Variants in ASTN1 observed in about 807,000 individuals in gnomAD.
The protein encoded by ASTN1 is astrotactin-1.
ASTN1 carries 41 observed loss-of-function variants against 140.7 expected under a neutral mutation model. The observed-to-expected ratio is 0.29, with a 90% confidence interval of 0.23 to 0.38. ASTN1 has a LOEUF of 0.38. Among genes scored for constraint, ASTN1 ranks in the 10% least tolerant of loss-of-function variants. ASTN1 has a pLI of 1.00. For missense variants in ASTN1, 1,479 were observed against 1,678.8 expected (o/e 0.88, Z 2.08); for synonymous variants, 640 against 652.2 (o/e 0.98, Z 0.29).
chr1:177,036,402 ACT>A (rs1191916290), intron 2 of ASTN1, among the ~76,000 whole-genome samples: 1 of 151,954 alleles, frequency 6.6e-6, no homozygotes, highest in Non-Finnish European at 1.5e-5. Flanking sequence ...AATAGGTAAA[ACT>A]CAGCACAAGC....
chr1:176,894,331 A>C, intron 17 of ASTN1, among the ~76,000 whole-genome samples: 1 of 152,204 alleles, frequency 6.6e-6, no homozygotes, highest in Non-Finnish European at 1.5e-5. Context: ...ACAGGTGCTC[A>C]GTTGTGACTC....
Position 176,863,865 on chromosome 1 carries a change from C to G in ASTN1, c.*419G>C, listed in dbSNP as rs868517241. 1.9e-5 allele frequency: 19 copies of G among 1,002,332 alleles called. No individual in the cohort carries two copies. In the Middle Eastern group the frequency reaches 2.5e-3, roughly 133 times the overall value. The allele number at this position is 1,002,332 out of a possible 1,614,324, so 62.1% of individuals were successfully genotyped here. On this transcript the variant is annotated 3_prime_UTR_variant, in exon 23 of 23. Coordinates refer to ENST00000361833, the MANE Select transcript of ASTN1 (RefSeq NM_004319.3). ...GTGGGGCCTGCGGCAGGCCTAACAACTTTCTGGCCTCACCTCTGCTCCCAG... is the reference window on the plus strand; with the variant it reads ...GTGGGGCCTGCGGCAGGCCTAACAAGTTTCTGGCCTCACCTCTGCTCCCAG...
At chr1:176,912,400 T>C (rs753488125) in intron 16 of ASTN1, among the ~76,000 whole-genome samples, 8 of 152,350 alleles carry the variant, frequency 5.3e-5, no homozygotes, top group African/African-American at 1.9e-4. Flanking sequence ...GCACATAATA[T>C]TGTTTTTCTT....
intron 1 of ASTN1, 119 bp downstream of exon 1, chr1:177,164,275 G>A (rs1362700866): frequency 5.3e-6 from 6 of 1,122,668 alleles, no homozygotes; most frequent in East Asian, 2.6e-5. Context: ...GGGCGGATCC[G>A]GGAGGTAGGA....
rs1675376630 is a variant in ASTN1, at chr1:177,013,147, G to A, written c.1523+1644C>T. Among the ~76,000 whole-genome samples the A allele has an allele frequency of 2.0e-5, 3 of 152,136 alleles. No homozygotes were observed. In the South Asian group the frequency reaches 6.2e-4, roughly 32 times the overall value. On this transcript the variant is annotated intron_variant, in intron 8 of 22. Transcript: ENST00000361833. ...TCAATAACAGGCTGCCTCATATGTA[G>A]CTGCCCTTCTACAAACACCTTCCTC...
chr1:176,888,305 C>G, intron 17 of ASTN1, 101 bp from the exon 18 acceptor site: 1 of 1,376,134 alleles, frequency 7.3e-7, no homozygotes, highest in Non-Finnish European at 1.0e-6. Context: ...CCCTAAATTA[C>G]TTCCAGCAGC....
chr1:177,148,908 G>A (rs1682843512), intron 1 of ASTN1, among the ~76,000 whole-genome samples: 2 of 151,126 alleles, frequency 1.3e-5, no homozygotes, highest in Non-Finnish European at 2.9e-5. Flanking sequence ...ACACAAGTAA[G>A]TAGAAGTTTC....
intron 16 of ASTN1, among the ~76,000 whole-genome samples, chr1:176,912,134 A>G (rs1397361952): frequency 6.6e-6 from 1 of 152,228 alleles, no homozygotes; most frequent in Non-Finnish European, 1.5e-5. Flanking sequence ...AATCATTGAG[A>G]AGGAAGCTTT....
At chr1:177,153,575 A>T (rs1174487603) in intron 1 of ASTN1, among the ~76,000 whole-genome samples, 1 of 152,180 alleles carries the variant, frequency 6.6e-6, no homozygotes, top group Non-Finnish European at 1.5e-5. Context: ...AAATAAAGCT[A>T]TTAGAATATT....
At chr1:177,021,574 T>C (rs1297086383) in intron 7 of ASTN1, among the ~76,000 whole-genome samples, 1 of 152,216 alleles carries the variant, frequency 6.6e-6, no homozygotes, top group East Asian at 1.9e-4. Flanking sequence ...TAGGTAGCTG[T>C]GGGACTTTGG....
chr1:177,089,274 C>A (rs1051894889), intron 1 of ASTN1, among the ~76,000 whole-genome samples: 2 of 152,184 alleles, frequency 1.3e-5, no homozygotes, highest in African/African-American at 4.8e-5. Flanking sequence ...GTAGTCCCTG[C>A]AAGCCCCTTG....
chr1:177,127,794 G>C (rs1028300737), intron 1 of ASTN1, among the ~76,000 whole-genome samples: 1 of 152,148 alleles, frequency 6.6e-6, no homozygotes, highest in Non-Finnish European at 1.5e-5. Flanking sequence ...GGATGGCATC[G>C]CATTTTGATG....
chr1:176,949,102 T>C, intron 12 of ASTN1, 83 bp downstream of exon 12: 1 of 1,560,302 alleles, frequency 6.4e-7, no homozygotes, highest in Non-Finnish European at 8.7e-7. Flanking sequence ...ACCTATTCAC[T>C]CACATTTCCT....
In ASTN1 at chr1:176,863,679, A is replaced by C; in HGVS notation, c.*605T>G. 1.0e-6 allele frequency: 1 copy of C among 985,776 alleles called. No individual in the cohort carries two copies. The highest frequency in any genetic ancestry group is 1.2e-6 in the Non-Finnish European group (1 of 830,196). The allele number at this position is 985,776 out of a possible 1,614,324, so 61.1% of individuals were successfully genotyped here. ...AGTGGCCCACTGGGGCCTATAATGAAAGCTGGTTTCACCTTTCGGGTATGG... is the reference window on the plus strand; with the variant it reads ...AGTGGCCCACTGGGGCCTATAATGACAGCTGGTTTCACCTTTCGGGTATGG... On this transcript the variant is annotated 3_prime_UTR_variant, in exon 23 of 23. Transcript: ENST00000361833.
chr1:177,153,397 CT>C (rs533888734), intron 1 of ASTN1, among the ~76,000 whole-genome samples: 67 of 151,862 alleles, frequency 4.4e-4, no homozygotes, highest in South Asian at 4.2e-4. Context: ...CCAAATAAGC[CT>C]TTTTTTTCTT....
At chr1:176,993,543 A>G (rs1674288675) in intron 8 of ASTN1, among the ~76,000 whole-genome samples, 1 of 152,130 alleles carries the variant, frequency 6.6e-6, no homozygotes, top group Non-Finnish European at 1.5e-5. Context: ...ATCTCTCCCA[A>G]GAACATCCTC....
At chr1:177,162,921 C>T (rs545161454) in intron 1 of ASTN1, among the ~76,000 whole-genome samples, 1 of 152,194 alleles carries the variant, frequency 6.6e-6, no homozygotes, top group Non-Finnish European at 1.5e-5. Context: ...ATAAATAATC[C>T]TATCAAGAGC....
chr1:176,891,150 G>A (rs1669246505), intron 17 of ASTN1, among the ~76,000 whole-genome samples: 1 of 152,218 alleles, frequency 6.6e-6, no homozygotes, highest in Non-Finnish European at 1.5e-5. Context: ...CATTTGGAAA[G>A]AAAAAGAAAG....
chr1:176,857,891 G>A (rs1193309266), downstream of ASTN1, among the ~76,000 whole-genome samples: 5 of 152,160 alleles, frequency 3.3e-5, no homozygotes, highest in South Asian at 2.1e-4. Flanking sequence ...GGGACAGGGC[G>A]TGAGTCGGTT....
Sources: gnomAD v4.1 joint callset for allele counts (sites outside exome capture counted in the v4.1 genomes callset) on GRCh38, gnomAD v4.1.1 for gene constraint, MANE v1.5 for transcripts, NCBI Gene and HGNC (gene_info 2026-07-23, HGNC 2026-07-21) for gene names.